Variants in RUNDC3B observed in about 807,000 individuals in gnomAD.
RUNDC3B encodes RUN domain-containing protein 3B.
In RUNDC3B, 33 loss-of-function variants were observed where a neutral mutation model predicts 58.4. The observed-to-expected ratio is 0.56, with a 90% CI of 0.43 to 0.75. The LOEUF (loss-of-function observed/expected upper bound fraction) is 0.75, where lower values mean the gene tolerates loss of function less well. Ranked by LOEUF, RUNDC3B falls within the 30% of genes least tolerant of loss-of-function variation. The probability of loss-of-function intolerance (pLI) is 0.00; values close to 1 mark genes in which losing one functional copy is unlikely to be tolerated. For missense variants in RUNDC3B, 501 were observed against 535.7 expected, an observed-to-expected ratio of 0.94 and a Z score of 0.64; for synonymous variants, 193 against 195.2, an observed-to-expected ratio of 0.99 and a Z score of 0.10.
intron 10 of RUNDC3B, among the ~76,000 whole-genome samples, chr7:87,819,828 T>C (rs1251891506): frequency 6.6e-6 from 1 of 152,140 alleles, no homozygotes; most frequent in Non-Finnish European, 1.5e-5. Context: ...AAAGATGTTC[T>C]TTGAAACCAA....
chr7:87,652,639 T>TATATATATATATATATATATATAC (rs1823696850), intron 2 of RUNDC3B, among the ~76,000 whole-genome samples: 1 of 148,590 alleles, frequency 6.7e-6, no homozygotes, highest in African/African-American at 2.5e-5. Flanking sequence ...TATATATATA[T>TATATATATATATATATATATATAC]ATATATAGTA....
chr7:87,822,743 A>G (rs1392078503), intron 10 of RUNDC3B, among the ~76,000 whole-genome samples: 1 of 152,202 alleles, frequency 6.6e-6, no homozygotes, highest in Non-Finnish European at 1.5e-5. Flanking sequence ...TTATAGGGAC[A>G]TGGATGAAAC....
chr7:87,661,966 A>G (rs752007779), intron 2 of RUNDC3B, among the ~76,000 whole-genome samples: 11 of 151,994 alleles, frequency 7.2e-5, no homozygotes, highest in Non-Finnish European at 1.6e-4. Flanking sequence ...GAAATAATAT[A>G]TCATTGTACT....
chr7:87,811,371 G>A (rs1411461666), intron 9 of RUNDC3B, among the ~76,000 whole-genome samples: 1 of 148,100 alleles, frequency 6.8e-6, no homozygotes, highest in Non-Finnish European at 1.5e-5. Context: ...GTCTCACTCT[G>A]TCGCCAGGCT....
chr7:87,709,525 C>G, intron 3 of RUNDC3B: 1 of 985,180 alleles, frequency 1.0e-6, no homozygotes, highest in Non-Finnish European at 1.2e-6. Context: ...AATTGACTCG[C>G]ATGCTAACCA....
intron 1 of RUNDC3B, 192 bp downstream of exon 1, chr7:87,629,137 G>T: frequency 4.4e-6 from 2 of 451,308 alleles, no homozygotes; most frequent in Non-Finnish European, 7.4e-6. Context: ...CGCAGCCCTG[G>T]ACTTTGTGTC....
At chr7:87,662,142 TG>T (rs1824774044) in intron 2 of RUNDC3B, among the ~76,000 whole-genome samples, 1 of 152,042 alleles carries the variant, frequency 6.6e-6, no homozygotes, top group Admixed American at 6.6e-5. Context: ...TTATATATTC[TG>T]CTTATTAATC....
At chr7:87,715,019 A>G (rs1300525264) in intron 4 of RUNDC3B, among the ~76,000 whole-genome samples, 4 of 151,574 alleles carry the variant, frequency 2.6e-5, no homozygotes, top group Non-Finnish European at 5.9e-5. Flanking sequence ...GGAGCATTTC[A>G]TCTTTTATTC....
At chr7:87,635,275 G>T (rs1251640824) in intron 1 of RUNDC3B, among the ~76,000 whole-genome samples, 1 of 152,114 alleles carries the variant, frequency 6.6e-6, no homozygotes, top group East Asian at 1.9e-4. Context: ...TTGTATATTG[G>T]AAAGATTCCA....
rs1829661772 is a variant in RUNDC3B, at chr7:87,707,048, A to AATT, written c.373-3521_373-3520insTTA. Among the ~76,000 whole-genome samples the AATT allele has an allele frequency of 2.6e-5, 4 of 152,196 alleles. No homozygotes were observed. The South Asian group carries it at 6.2e-4, about 24-fold the overall frequency. On this transcript the variant is annotated intron_variant, in intron 3 of 10. Transcript: ENST00000394654. ...TAAGGGAAATTCAGAAGATTAATAC[A>AATT]AAAAAAGGCCTAAAAGTAGTCCCCT...
chr7:87,746,590 C>A (rs1484035451), intron 6 of RUNDC3B, among the ~76,000 whole-genome samples: 2 of 152,174 alleles, frequency 1.3e-5, no homozygotes, highest in Non-Finnish European at 2.9e-5. Context: ...CTTTTACCTG[C>A]TGTTGCTTTA....
chr7:87,714,307 A>C (rs1301431870), intron 4 of RUNDC3B, among the ~76,000 whole-genome samples: 1 of 152,182 alleles, frequency 6.6e-6, no homozygotes, highest in Non-Finnish European at 1.5e-5. Context: ...CGGTGCCAAC[A>C]ATGCACTGGA....
intron 8 of RUNDC3B, among the ~76,000 whole-genome samples, chr7:87,799,516 T>C (rs942546056): frequency 6.6e-6 from 1 of 152,180 alleles, no homozygotes; most frequent in Non-Finnish European, 1.5e-5. Context: ...TGATAGCCTA[T>C]GATTTTCTCA....
intron 6 of RUNDC3B, among the ~76,000 whole-genome samples, chr7:87,743,870 G>C (rs1832493136): frequency 6.6e-6 from 1 of 152,128 alleles, no homozygotes; most frequent in African/African-American, 2.4e-5. Flanking sequence ...TGAGTTCATG[G>C]TCATGAAATC....
chr7:87,829,745 G>T, intron 10 of RUNDC3B, 140 bp from the exon 11 acceptor site: 1 of 540,192 alleles, frequency 1.9e-6, no homozygotes, highest in Non-Finnish European at 3.2e-6. Flanking sequence ...AGTCAATCAT[G>T]CAATTTGTTC....
At chr7:87,754,940 A>C in intron 6 of RUNDC3B, among the ~76,000 whole-genome samples, 1 of 144,522 alleles carries the variant, frequency 6.9e-6, no homozygotes, top group Non-Finnish European at 1.5e-5. Flanking sequence ...ATAGCTTACC[A>C]ACCAAAAAAA....
At chr7:87,756,056 C>A (rs1302618166) in intron 6 of RUNDC3B, among the ~76,000 whole-genome samples, 3 of 151,992 alleles carry the variant, frequency 2.0e-5, no homozygotes, top group Admixed American at 6.6e-5. Flanking sequence ...GGATGCGGGG[C>A]AGGGCAGGGC....
At chr7:87,746,081 T>C (rs1409105278) in intron 6 of RUNDC3B, among the ~76,000 whole-genome samples, 1 of 152,236 alleles carries the variant, frequency 6.6e-6, no homozygotes, top group Non-Finnish European at 1.5e-5. Flanking sequence ...AGGAGCAGGT[T>C]ATTTAATTTC....
intron 8 of RUNDC3B, among the ~76,000 whole-genome samples, chr7:87,787,890 T>G (rs544027877): frequency 6.6e-5 from 10 of 152,328 alleles, no homozygotes; most frequent in Non-Finnish European, 1.3e-4. Context: ...AACAATGAGT[T>G]TTGACTCTAT....
Sources: allele counts gnomAD v4.1 joint callset (sites outside exome capture counted in the v4.1 genomes callset), GRCh38; gene constraint gnomAD v4.1.1; transcripts MANE v1.5; gene names NCBI Gene and HGNC (gene_info 2026-07-23, HGNC 2026-07-21).